Variants in NUTF2 observed in about 807,000 individuals in gnomAD.
NUTF2 encodes the protein placental protein 15.
Under a neutral mutation model 18.5 loss-of-function variants are expected in NUTF2, and 3 were observed. The observed-to-expected ratio is 0.16, with a 90% CI of 0.07 to 0.42. The LOEUF is 0.42. Ranked by LOEUF, NUTF2 falls within the 10% of genes least tolerant of loss-of-function variation. NUTF2 has a pLI of 0.99. For missense variants in NUTF2, 44 were observed against 160.7 expected (o/e 0.27, Z 3.93); for synonymous variants, 51 against 57.9 (o/e 0.88, Z 0.54).
intron 1 of NUTF2, among the ~76,000 whole-genome samples, chr16:67,850,622 A>G (rs1361436534): frequency 2.0e-5 from 3 of 152,206 alleles, no homozygotes; most frequent in African/African-American, 4.8e-5. Flanking sequence ...ATATAAGAGA[A>G]GTGGCCTGAG....
intron 4 of NUTF2, among the ~76,000 whole-genome samples, chr16:67,869,434 G>C (rs1463471312): frequency 6.6e-6 from 1 of 151,476 alleles, no homozygotes; most frequent in Non-Finnish European, 1.5e-5. Context: ...GAGACTTCCT[G>C]TGGTCCCTCA....
At chr16:67,866,681 G>C (rs1169035043) in intron 2 of NUTF2, among the ~76,000 whole-genome samples, 8 of 152,122 alleles carry the variant, frequency 5.3e-5, no homozygotes, top group Non-Finnish European at 8.8e-5. Context: ...TGGCCAGGCT[G>C]TTCTTGAACT....
intron 2 of NUTF2, 58 bp downstream of exon 2, chr16:67,865,287 C>A: frequency 8.4e-7 from 1 of 1,192,832 alleles, no homozygotes; most frequent in Non-Finnish European, 1.2e-6. Flanking sequence ...GGATGTTGGG[C>A]CAGTGTGTCC....
At chr16:67,848,947 C>G (rs1301226553) in intron 1 of NUTF2, among the ~76,000 whole-genome samples, 3 of 152,108 alleles carry the variant, frequency 2.0e-5, no homozygotes, top group Admixed American at 6.6e-5. Flanking sequence ...TCACTTCTTC[C>G]AAGTACTCTT....
At chr16:67,865,314 C>A (rs1030925417) in intron 2 of NUTF2, 85 bp downstream of exon 2, 5 of 958,560 alleles carry the variant, frequency 5.2e-6, no homozygotes, top group African/African-American at 4.8e-5. Context: ...CAAGTTCTGG[C>A]AGCCCTATCT....
At chr16:67,861,682 G>A (rs1032748031) in intron 1 of NUTF2, among the ~76,000 whole-genome samples, 5 of 152,152 alleles carry the variant, frequency 3.3e-5, no homozygotes, top group Admixed American at 2.6e-4. Context: ...TGTGGTCAGC[G>A]GCCCTCTCAC....
At chr16:67,849,859 C>T (rs1377352178) in intron 1 of NUTF2, among the ~76,000 whole-genome samples, 1 of 152,006 alleles carries the variant, frequency 6.6e-6, no homozygotes, top group Admixed American at 6.6e-5. Context: ...GGGGTTTCAC[C>T]GTGTTAGCCA....
rs557864938 is a variant in NUTF2 at position 67,863,655 on chromosome 16, A to G, written c.-29-1447A>G. Among the ~76,000 whole-genome samples, 11 of 152,324 alleles carry G rather than the reference A, an allele frequency of 7.2e-5. No homozygotes were observed. The South Asian group carries it at 2.1e-3, about 29-fold the overall frequency. On this transcript the variant is annotated intron_variant, in intron 1 of 4. Transcript: ENST00000219169. ...GGCCCTAAGAAGGGCAGTGACTTGC[A>G]TCAGATCCCACCACTGCGAATGCTT...
At chr16:67,855,873 C>G (rs574295100) in intron 1 of NUTF2, 2 of 417,164 alleles carry the variant, frequency 4.8e-6, no homozygotes, top group South Asian at 6.4e-5. Flanking sequence ...CCTTGCCACC[C>G]GATTTTTTTT....
At chr16:67,848,867 A>G (rs2057830237) in intron 1 of NUTF2, among the ~76,000 whole-genome samples, 2 of 152,110 alleles carry the variant, frequency 1.3e-5, no homozygotes, top group Non-Finnish European at 2.9e-5. Flanking sequence ...GAAGAAAGCC[A>G]CTGACCCTGC....
intron 2 of NUTF2, among the ~76,000 whole-genome samples, chr16:67,867,188 T>G (rs189432039): frequency 1.8e-3 from 272 of 152,040 alleles, no homozygotes; most frequent in South Asian, 5.4e-3. Flanking sequence ...GCCAGGCTGG[T>G]CTGGAACACC....
chr16:67,872,336 C>A lies in NUTF2; in HGVS notation c.*1423C>A, dbSNP rs1269416912. The A allele has an allele frequency of 6.6e-6, 1 of 152,242 alleles. No individual in the cohort carries two copies. The highest frequency in any genetic ancestry group is 2.4e-5 in the African/African-American group (1 of 41,452). The allele number at this position is 152,242 out of a possible 1,614,324, so 9.4% of individuals were successfully genotyped here. A position where few individuals can be genotyped will look rare whatever the true frequency, so the allele number is the denominator to read the frequency against. On this transcript the variant is annotated 3_prime_UTR_variant, in exon 5 of 5. Coordinates refer to ENST00000219169, the MANE Select transcript of NUTF2 (RefSeq NM_005796.3). ...GGAGGCTAAGGACCTCCTCAGATCC[C>A]ACAGATTGCCTGGTGACATTGGGCA... is the stretch of plus-strand genomic sequence containing the variant.
At chr16:67,865,061 A>G (rs2057961258) in intron 1 of NUTF2, 41 bp from the exon 2 acceptor site, 1 of 1,043,356 alleles carries the variant, frequency 9.6e-7, no homozygotes. Flanking sequence ...ACCTACTCTC[A>G]TGGTACCAAT....
rs912849340 is a variant in NUTF2 at position 67,868,406 on chromosome 16, T to C, written c.166T>C (p.Leu56=). 33 of 1,613,962 alleles carry C rather than the reference T, an allele frequency of 2.0e-5. No homozygotes were observed. Among genetic ancestry groups the C allele is most frequent in the Non-Finnish European group, 2.5e-5 (30 of 1,180,008 alleles). ...FQGKAAIVEK[L]SSLPFQKIQH... ...GGGGAAAGCTGCCATTGTGGAGAAG[T>C]TGTCTGTAAGTAGGGAAGAAAGCCA... Residue 56 remains leucine (L), a synonymous_variant, in exon 3 of 5, where the codon TTG becomes CTG. Coordinates refer to ENST00000219169, the MANE Select transcript of NUTF2 (RefSeq NM_005796.3).
In NUTF2 at chr16:67,868,331, C is replaced by T. The variant is rs763474022; in HGVS notation, c.100-9C>T. On this transcript the variant is annotated splice_polypyrimidine_tract_variant and intron_variant, in intron 2 of 4. Transcript: ENST00000219169. ...GCCCCAACCCTGGGGTTTCCTGTGC[C>T]TTTTTCAGATTGACGCGTCATGCCT... The T allele has an allele frequency of 3.7e-6, 6 of 1,612,970 alleles. No individual in the cohort carries two copies. In the African/African-American group the frequency reaches 6.7e-5, roughly 18 times the overall value.
chr16:67,858,965 T>TAAC (rs1264156982), intron 1 of NUTF2, among the ~76,000 whole-genome samples: 2 of 151,096 alleles, frequency 1.3e-5, no homozygotes, highest in African/African-American at 4.9e-5. Context: ...GCCTCCCGAG[T>TAAC]AACTGGGGCT....
rs918078341 is a variant in NUTF2 at position 67,871,809 on chromosome 16, A to G, written c.*896A>G. On this transcript the variant is annotated 3_prime_UTR_variant, in exon 5 of 5. Transcript: ENST00000219169. ...GCCCCACATACACCAAGCCAGGCAG[A>G]GGGCAGCTCAGCTCCTGTCCCATCT... 6.6e-6 allele frequency: 1 copy of G among 152,300 alleles called. No individual in the cohort carries two copies. Among genetic ancestry groups the G allele is most frequent in the Non-Finnish European group, 1.5e-5 (1 of 68,102 alleles). 9.4% of individuals were successfully genotyped at this position (152,300 alleles called of 1,614,324 possible). A position where few individuals can be genotyped will look rare whatever the true frequency, so the allele number is the denominator to read the frequency against.
intron 1 of NUTF2, among the ~76,000 whole-genome samples, chr16:67,864,239 A>C (rs2057953620): frequency 6.6e-6 from 1 of 152,230 alleles, no homozygotes; most frequent in African/African-American, 2.4e-5. Context: ...GGCTGGGTAC[A>C]GTGGCTCACG....
intron 1 of NUTF2, chr16:67,847,831 A>T (rs2057818209): frequency 6.6e-6 from 1 of 152,332 alleles, no homozygotes; most frequent in African/African-American, 2.4e-5. Context: ...TTAAGGTGGG[A>T]CTTAATGCAC....
Sources: allele counts gnomAD v4.1 joint callset (sites outside exome capture counted in the v4.1 genomes callset), GRCh38; gene constraint gnomAD v4.1.1; transcripts MANE v1.5; gene names NCBI Gene and HGNC (gene_info 2026-07-23, HGNC 2026-07-21).